NTM: variants seen among roughly 807,000 people sequenced by gnomAD.
NTM encodes the protein neurotrimin.
NTM carries 13 observed loss-of-function variants against 42.1 expected under a neutral mutation model. The ratio of observed to expected loss-of-function variants is 0.31; its 90% CI spans 0.20 to 0.49. The LOEUF is 0.49. NTM is among the 20% of genes least tolerant of loss of function. NTM has a pLI of 0.99. For synonymous variants in NTM, 187 were observed against 179.2 expected (o/e 1.04, Z -0.35); for missense variants, 373 against 452.8 (o/e 0.82, Z 1.60).
Position 131,789,497 on chromosome 11 carries a change from G to GA in NTM, c.83-122065dup, listed in dbSNP as rs1565551062. ...GAAGAAGAAGAAGAAGAAGAGGAAA[G>GA]AAGAAGAAGAAGAAGAAGAAGAAGA... On this transcript the variant is annotated intron_variant, in intron 1 of 8. Coordinates refer to ENST00000683400, the MANE Select transcript of NTM (RefSeq NM_001352005.2). Among the ~76,000 whole-genome samples, 29 of 3,470 alleles carry GA rather than the reference G, an allele frequency of 8.4e-3. 13 individuals carry two copies. The highest frequency in any genetic ancestry group is 0.011 in the Non-Finnish European group (19 of 1,742). 2.3% of individuals were successfully genotyped at this position (3,470 alleles called of 152,430 possible).
At chr11:131,490,321 C>T (rs1425947430) in intron 1 of NTM, among the ~76,000 whole-genome samples, 1 of 152,216 alleles carries the variant, frequency 6.6e-6, no homozygotes, top group Non-Finnish European at 1.5e-5. Flanking sequence ...AAGTCTTAGA[C>T]TTTTGTCATG....
chr11:131,890,430 C>T lies in NTM; in HGVS notation c.83-21134C>T, dbSNP rs367801663. ...TCCTGTAATAACCACCAGCAGCCTG[C>T]TGAGTGCAGGGGGAGACAGTGGTAG... On this transcript the variant is annotated intron_variant, in intron 1 of 8. Transcript: ENST00000683400. Among the ~76,000 whole-genome samples, 22 of 152,316 alleles carry T rather than the reference C, an allele frequency of 1.4e-4. No homozygotes were observed. In the East Asian group the frequency reaches 3.7e-3, roughly 25 times the overall value.
chr11:131,717,101 A>G (rs1164943245), intron 1 of NTM, among the ~76,000 whole-genome samples: 5 of 152,164 alleles, frequency 3.3e-5, no homozygotes, highest in Non-Finnish European at 7.3e-5. Flanking sequence ...TCACCCTCCC[A>G]AAGTGCTGGG....
intron 1 of NTM, among the ~76,000 whole-genome samples, chr11:131,402,408 AAC>A (rs1045629503): frequency 6.6e-6 from 1 of 151,642 alleles, no homozygotes. Context: ...AAAAAAAAAA[AAC>A]AAATATTGGA....
rs1024021823 is a variant in NTM, at chr11:131,592,710, G to A, written c.82+221822G>A. On this transcript the variant is annotated intron_variant, in intron 1 of 8. Coordinates refer to ENST00000683400, the MANE Select transcript of NTM (RefSeq NM_001352005.2). The stretch of plus-strand genomic sequence containing the variant: ...CACCATAGTTCAAAGTTGACCTTTA[G>A]GGGCTGTTTCCTCCTCCTTCCCCAC... 5.4e-5 allele frequency among the ~76,000 whole-genome samples: 8 copies of A among 149,516 alleles called. No homozygotes were observed. In the East Asian group the frequency reaches 1.0e-3, roughly 19 times the overall value.
At chr11:131,775,845 G>T (rs1280389753) in intron 1 of NTM, among the ~76,000 whole-genome samples, 1 of 152,200 alleles carries the variant, frequency 6.6e-6, no homozygotes, top group Non-Finnish European at 1.5e-5. Context: ...GGTAATGTGA[G>T]ATTAATGTGG....
chr11:131,439,312 A>G lies in NTM; in HGVS notation c.82+68424A>G, dbSNP rs553931778. ...TGTCCGTTCTCCAAGCTCAAACACC[A>G]TGCTGGGAGAACCACTGCTCTCTTC... is the stretch of plus-strand genomic sequence containing the variant. On this transcript the variant is annotated intron_variant, in intron 1 of 8. Transcript: ENST00000683400. 2.0e-5 allele frequency among the ~76,000 whole-genome samples: 3 copies of G among 152,246 alleles called. No individual in the cohort carries two copies. The South Asian group carries it at 6.2e-4, about 32-fold the overall frequency.
intron 2 of NTM, among the ~76,000 whole-genome samples, chr11:132,118,060 C>T (rs1201147469): frequency 6.6e-6 from 1 of 152,196 alleles, no homozygotes; most frequent in Non-Finnish European, 1.5e-5. Context: ...AGATTAATTG[C>T]AACATAATAT....
intron 3 of NTM, among the ~76,000 whole-genome samples, chr11:132,202,056 T>A (rs183943989): frequency 6.6e-6 from 1 of 152,226 alleles, no homozygotes. Context: ...ATGTAATGAA[T>A]TAGATTAATT....
At chr11:132,026,675 G>A (rs1257773938) in intron 2 of NTM, among the ~76,000 whole-genome samples, 1 of 152,228 alleles carries the variant, frequency 6.6e-6, no homozygotes, top group African/African-American at 2.4e-5. Flanking sequence ...AGCAATTGGT[G>A]TTGAGAACAA....
chr11:131,424,723 C>T (rs1431242831), intron 1 of NTM, among the ~76,000 whole-genome samples: 4 of 90,726 alleles, frequency 4.4e-5, no homozygotes, highest in South Asian at 3.6e-4. Flanking sequence ...CCATGCCTGG[C>T]TAATTTTTTT....
intron 1 of NTM, among the ~76,000 whole-genome samples, chr11:131,809,016 T>C (rs947095845): frequency 2.0e-5 from 3 of 152,200 alleles, no homozygotes; most frequent in African/African-American, 7.2e-5. Flanking sequence ...TTTTATGAAC[T>C]GGAAAATAAA....
intron 2 of NTM, among the ~76,000 whole-genome samples, chr11:131,974,795 A>C (rs1314975030): frequency 6.6e-6 from 1 of 152,214 alleles, no homozygotes; most frequent in African/African-American, 2.4e-5. Context: ...GCACATACTT[A>C]GCACTGCATA....
chr11:131,744,516 G>T (rs1228010760), intron 1 of NTM, among the ~76,000 whole-genome samples: 1 of 152,066 alleles, frequency 6.6e-6, no homozygotes, highest in African/African-American at 2.4e-5. Flanking sequence ...AAAATTGCTG[G>T]CAATTCCCTT....
chr11:131,930,334 G>A (rs1026929695), intron 2 of NTM, among the ~76,000 whole-genome samples: 1 of 152,110 alleles, frequency 6.6e-6, no homozygotes, highest in Admixed American at 6.5e-5. Flanking sequence ...CCCTCTGGTT[G>A]GTCCTCCTTC....
At chr11:131,710,275 C>G (rs1046843768) in intron 1 of NTM, among the ~76,000 whole-genome samples, 1 of 152,176 alleles carries the variant, frequency 6.6e-6, no homozygotes, top group African/African-American at 2.4e-5. Context: ...TTTCTCTTAT[C>G]TATTTTTCAA....
intron 2 of NTM, among the ~76,000 whole-genome samples, chr11:131,968,266 C>A (rs1050215736): frequency 3.3e-5 from 5 of 152,124 alleles, no homozygotes; most frequent in African/African-American, 1.2e-4. Flanking sequence ...AAGAATCAAA[C>A]CAATTTGTGA....
chr11:131,960,144 G>A (rs367555775), intron 2 of NTM, among the ~76,000 whole-genome samples: 6 of 152,314 alleles, frequency 3.9e-5, no homozygotes, highest in South Asian at 2.1e-4. Context: ...GTCACAGGGT[G>A]TTCAGAAGGG....
At position 132,268,162 on chromosome 11, in the gene NTM, G is replaced by A. The variant is rs117751469; in HGVS notation, c.527-39527G>A. Among the ~76,000 whole-genome samples the A allele has an allele frequency of 1.0e-2, 1,515 of 152,258 alleles. 11 individuals are homozygous for A. The highest frequency in any genetic ancestry group is 0.044 in the Middle Eastern group (13 of 294). ...TTTGCCACTATGGAGCAAGAGTTAT[G>A]TAAAACTTTCTCCTTACAACATAGT... is the stretch of plus-strand genomic sequence containing the variant. On this transcript the variant is annotated intron_variant, in intron 4 of 8. Coordinates refer to ENST00000683400, the MANE Select transcript of NTM (RefSeq NM_001352005.2).
Sources: gnomAD v4.1 joint callset for allele counts (sites outside exome capture counted in the v4.1 genomes callset) on GRCh38, gnomAD v4.1.1 for gene constraint, MANE v1.5 for transcripts, NCBI Gene and HGNC (gene_info 2026-07-23, HGNC 2026-07-21) for gene names.